Variants in FCRL6 observed in about 807,000 individuals in gnomAD.
FCRL6 encodes the protein Fc receptor-like protein 6.
Under a neutral mutation model 49.1 loss-of-function variants are expected in FCRL6, and 50 were observed. The ratio of observed to expected loss-of-function variants is 1.02; its 90% CI spans 0.81 to 1.29. The LOEUF is 1.29. Among genes scored for constraint, FCRL6 ranks in the 50% most tolerant of loss-of-function variants. The pLI, the probability that FCRL6 is intolerant of heterozygous loss-of-function variation, is 0.00. For synonymous variants in FCRL6, 213 were observed against 199.6 expected, an observed-to-expected ratio of 1.07 and a Z score of -0.57; for missense variants, 571 against 518.5, an observed-to-expected ratio of 1.10 and a Z score of -0.98.
chr1:159,802,553 T>C, intron 1 of FCRL6, 98 bp downstream of exon 1: 1 of 1,129,968 alleles, frequency 8.8e-7, no homozygotes, highest in South Asian at 1.3e-5. Flanking sequence ...CCAATTCCAG[T>C]GGGTTTGTGG....
chr1:159,811,960 G>T (rs975858932), intron 6 of FCRL6, among the ~76,000 whole-genome samples: 4 of 152,178 alleles, frequency 2.6e-5, no homozygotes, highest in Admixed American at 6.5e-5. Context: ...TAGCACAACT[G>T]CCTCCCTCCC....
Position 159,808,178 on chromosome 1 carries a change from T to C in FCRL6, c.53T>C (p.Val18Ala), listed in dbSNP as rs1206195890. The C allele has an allele frequency of 6.8e-6, 11 of 1,607,982 alleles. No homozygotes were observed. The highest frequency in any genetic ancestry group is 5.5e-5 in the South Asian group (5 of 90,722). Reference protein sequence around the residue: ...LLFVPCVGKTVWLYLQAWPNP... With the variant: ...LLFVPCVGKTAWLYLQAWPNP... ...GCTGCCCTGTTCCTCTGTCTCGCAG[T>C]CTGGCTGTACCTCCAAGCCTGGCCA... The change falls in exon 3 of 10, where the codon GTC becomes GCC. Residue 18 changes from valine (V) to alanine (A), a missense_variant and splice_region_variant. Physicochemically the swap from Val to Ala is moderately conservative, Grantham distance 64 (BLOSUM62 0). Transcript: ENST00000368106.
rs768949187 is a variant in FCRL6, at chr1:159,809,506, A to C, written c.709A>C (p.Ile237Leu). 1.2e-6 allele frequency: 2 copies of C among 1,613,956 alleles called. No individual in the cohort carries two copies. Among genetic ancestry groups the C allele is most frequent in the African/African-American group, 2.7e-5 (2 of 74,878 alleles). ...LCEAQRGSPP[I>L]LYSFYLDEKI... ...TGAGGCACAGAGGGGCTCCCCTCCG[A>C]TCCTGTATTCCTTCTACCTTGATGA... The change falls in exon 5 of 10, where the codon ATC (isoleucine) becomes CTC (leucine). Residue 237 changes from isoleucine (I) to leucine (L), a missense_variant. Transcript: ENST00000368106.
At chr1:159,815,372 A>G in intron 8 of FCRL6, 56 bp from the exon 9 acceptor site, 1 of 1,582,080 alleles carries the variant, frequency 6.3e-7, no homozygotes, top group East Asian at 2.3e-5. Flanking sequence ...GGTGGGAAGG[A>G]GATGTACTTG....
intron 6 of FCRL6, 40 bp downstream of exon 6, chr1:159,810,256 T>C: frequency 6.3e-7 from 1 of 1,592,238 alleles, no homozygotes; most frequent in Non-Finnish European, 8.6e-7. Flanking sequence ...GCTGAATCCC[T>C]GTGCCAGGCC....
chr1:159,813,677 A>G lies in FCRL6; in HGVS notation c.1075+123A>G. 3 of 818,790 alleles carry G rather than the reference A, an allele frequency of 3.7e-6. 1 individual carries two copies. In the South Asian group the frequency reaches 4.8e-5, roughly 13 times the overall value. The allele number at this position is 818,790 out of a possible 1,614,324, so 50.7% of individuals were successfully genotyped here. ...GAATTGGAGTGATCTGGGGAAGGAAAACAAACAGCTTCTAGAAAGGGCATG... is the reference window on the plus strand; with the variant it reads ...GAATTGGAGTGATCTGGGGAAGGAAGACAAACAGCTTCTAGAAAGGGCATG... On this transcript the variant is annotated intron_variant, in intron 7 of 9. Transcript: ENST00000368106.
chr1:159,809,714 C>A (rs953693580), intron 5 of FCRL6, 31 bp downstream of exon 5: 1 of 1,595,640 alleles, frequency 6.3e-7, no homozygotes, highest in South Asian at 1.1e-5. Context: ...GAGCTTTGAG[C>A]CCCAGCAAGC....
chr1:159,810,224 A>C lies in FCRL6; in HGVS notation c.1009+8A>C. The C allele has an allele frequency of 6.2e-7, 1 of 1,606,808 alleles. No individual in the cohort carries two copies. The highest frequency in any genetic ancestry group is 8.5e-7 in the Non-Finnish European group (1 of 1,176,480). On this transcript the variant is annotated splice_region_variant and intron_variant, in intron 6 of 9. Transcript: ENST00000368106. ...GATCCTGGAGAAAAGCTGGTCAGTA[A>C]CTCCTCTTGGCTTTCTTAGCTGCTG...
At chr1:159,808,500 T>C (rs759530281) in intron 3 of FCRL6, 56 bp downstream of exon 3, 10 of 1,602,518 alleles carry the variant, frequency 6.2e-6, no homozygotes, top group South Asian at 1.1e-5. Flanking sequence ...AGGGTCCCGT[T>C]TCTAGAGGTC....
At chr1:159,810,464 C>T (rs547108414) in intron 6 of FCRL6, among the ~76,000 whole-genome samples, 20 of 152,124 alleles carry the variant, frequency 1.3e-4, no homozygotes, top group African/African-American at 4.1e-4. Context: ...AACACACAAC[C>T]GCACACTCAG....
At chr1:159,804,480 G>A (rs941090945) in intron 1 of FCRL6, among the ~76,000 whole-genome samples, 6 of 152,178 alleles carry the variant, frequency 3.9e-5, no homozygotes, top group African/African-American at 9.7e-5. Flanking sequence ...ATTCTATTAC[G>A]CAACTTGGTT....
chr1:159,813,692 G>A (rs1663220203), intron 7 of FCRL6, 138 bp downstream of exon 7: 1 of 730,850 alleles, frequency 1.4e-6, no homozygotes, highest in South Asian at 1.7e-5. Flanking sequence ...ACAGCTTCTA[G>A]AAAGGGCATG....
chr1:159,807,975 G>A (rs1394765830), intron 2 of FCRL6, among the ~76,000 whole-genome samples: 1 of 151,376 alleles, frequency 6.6e-6, no homozygotes, highest in Non-Finnish European at 1.5e-5. Context: ...AGGAAGGAGA[G>A]AAGAAGGAAA....
upstream of FCRL6, chr1:159,802,314 C>T: frequency 8.4e-7 from 1 of 1,187,908 alleles, no homozygotes; most frequent in Non-Finnish European, 1.2e-6. Flanking sequence ...ATAGCACCAC[C>T]CAGCTCAGGC....
chr1:159,800,554 T>C (rs746172888), upstream of FCRL6: 1 of 1,542,640 alleles, frequency 6.5e-7, no homozygotes, highest in Non-Finnish European at 8.8e-7. Flanking sequence ...TGAAGACAAC[T>C]CAGGAGATCT....
Position 159,809,447 on chromosome 1 carries a change from A to T in FCRL6, c.650A>T (p.Asp217Val). 1 of 1,613,428 alleles carries T rather than the reference A, an allele frequency of 6.2e-7. No homozygotes were observed. The highest frequency in any genetic ancestry group is 1.1e-5 in the South Asian group (1 of 91,038). Residue 217 changes from aspartate to valine, a missense_variant, in exon 5 of 10, where the codon GAC becomes GTC. Asp to Val is a radical substitution (Grantham distance 152, BLOSUM62 -3). Coordinates refer to ENST00000368106, the MANE Select transcript of FCRL6 (RefSeq NM_001004310.3). The part of the protein sequence containing the change: ...PVLTLHHGPA[D>V]PAVGDMVQLL... ...CTCACTCTGCACCACGGGCCTGCTG[A>T]CCCTGCTGTGGGGGACATGGTGCAG...
chr1:159,804,758 G>A (rs907145554), intron 1 of FCRL6, among the ~76,000 whole-genome samples: 1 of 152,206 alleles, frequency 6.6e-6, no homozygotes, highest in Non-Finnish European at 1.5e-5. Context: ...CTTCTGTCTT[G>A]TTTTTGGCTT....
intron 8 of FCRL6, among the ~76,000 whole-genome samples, chr1:159,814,519 T>A (rs1663274040): frequency 6.6e-6 from 1 of 151,966 alleles, no homozygotes; most frequent in African/African-American, 2.4e-5. Flanking sequence ...ACCACCTATC[T>A]CCTCCACTAC....
Position 159,808,450 on chromosome 1 carries a change from T to C in FCRL6, c.319+6T>C. 1 of 1,614,046 alleles carries C rather than the reference T, an allele frequency of 6.2e-7. No individual in the cohort carries two copies. Among genetic ancestry groups the C allele is most frequent in the Non-Finnish European group, 8.5e-7 (1 of 1,179,978 alleles). On this transcript the variant is annotated splice_donor_region_variant and intron_variant, in intron 3 of 9. Coordinates refer to ENST00000368106, the MANE Select transcript of FCRL6 (RefSeq NM_001004310.3). ...TGCCATGGTTCAAGTCCAAGGTGAG[T>C]CACCAGCTTGGGAGTTTGTGGGGCA...
Sources: allele counts gnomAD v4.1 joint callset (sites outside exome capture counted in the v4.1 genomes callset), GRCh38; gene constraint gnomAD v4.1.1; transcripts MANE v1.5; gene names NCBI Gene and HGNC (gene_info 2026-07-23, HGNC 2026-07-21).